Variants in NDP observed in about 807,000 individuals in gnomAD.
NDP encodes norrin cystine knot growth factor NDP.
A neutral mutation model predicts 8.4 loss-of-function variants in NDP; 2 were observed. The observed-to-expected ratio is 0.24, with a 90% CI of 0.10 to 0.75. The LOEUF is 0.75. Ranked by LOEUF, NDP falls within the 30% of genes least tolerant of loss-of-function variation. NDP has a pLI of 0.73. For synonymous variants in NDP, 55 were observed against 45.6 expected, an observed-to-expected ratio of 1.21 and a Z score of -0.83; for missense variants, 81 against 110.1, an observed-to-expected ratio of 0.74 and a Z score of 1.18.
chrX:43,954,053 T>A (rs1032073827), intron 2 of NDP, among the ~76,000 whole-genome samples: 7 of 112,346 alleles, frequency 6.2e-5, no homozygotes, highest in Non-Finnish European at 1.1e-4. Context: ...TAGAAGAGCA[T>A]TTTTGCGATT....
intron 2 of NDP, among the ~76,000 whole-genome samples, chrX:43,952,552 C>T (rs2035769001): frequency 8.9e-6 from 1 of 111,859 alleles, no homozygotes; most frequent in South Asian, 3.8e-4. Flanking sequence ...ACTGACTGGG[C>T]CATTAGCACT....
chrX:43,955,461 TGGA>T (rs1458380570), intron 2 of NDP, among the ~76,000 whole-genome samples: 2 of 112,135 alleles, frequency 1.8e-5, no homozygotes, highest in South Asian at 3.7e-4. Flanking sequence ...GAGCTGGAAT[TGGA>T]AACCAGGTCT....
intron 1 of NDP, among the ~76,000 whole-genome samples, chrX:43,965,389 A>G (rs2035851947): frequency 1.8e-5 from 2 of 111,392 alleles, no homozygotes; most frequent in South Asian, 7.8e-4. Context: ...ACTGCACTCC[A>G]GCCTGGGCAT....
chrX:43,965,875 C>T (rs1173807573), intron 1 of NDP, among the ~76,000 whole-genome samples: 2 of 111,545 alleles, frequency 1.8e-5, no homozygotes, highest in Non-Finnish European at 3.8e-5. Flanking sequence ...AGGTACATTC[C>T]AGAAGCCCTG....
At chrX:43,964,640 T>C (rs1424256551) in intron 1 of NDP, among the ~76,000 whole-genome samples, 1 of 111,641 alleles carries the variant, frequency 9.0e-6, no homozygotes, top group Admixed American at 9.5e-5. Flanking sequence ...GTGTTCCGTG[T>C]CCCTATACTG....
chrX:43,957,744 G>A (rs1297048928), intron 2 of NDP, among the ~76,000 whole-genome samples: 1 of 103,826 alleles, frequency 9.6e-6, no homozygotes, highest in Non-Finnish European at 2.0e-5. Flanking sequence ...ACCAAGTGTG[G>A]ACAAATTTCA....
At chrX:43,968,333 A>C (rs1032475091) in intron 1 of NDP, among the ~76,000 whole-genome samples, 2 of 112,321 alleles carry the variant, frequency 1.8e-5, no homozygotes, top group Non-Finnish European at 3.8e-5. Context: ...GACACAAGAA[A>C]AAAGCTTTGC....
intron 1 of NDP, among the ~76,000 whole-genome samples, chrX:43,963,346 G>T (rs112579945): frequency 9.2e-6 from 1 of 109,183 alleles, no homozygotes; most frequent in Non-Finnish European, 1.9e-5. Flanking sequence ...TTCCTGGATG[G>T]TTTTTAGACA....
chrX:43,961,448 C>T (rs910944581), intron 1 of NDP, among the ~76,000 whole-genome samples: 2 of 111,837 alleles, frequency 1.8e-5, no homozygotes, highest in African/African-American at 6.5e-5. Context: ...TACTAACCAA[C>T]TATATATGGA....
intron 2 of NDP, 171 bp from the exon 3 acceptor site, chrX:43,950,197 C>A: frequency 2.1e-6 from 1 of 469,929 alleles, no homozygotes; most frequent in Non-Finnish European, 3.7e-6. Flanking sequence ...TCATTCAGAT[C>A]GATTGAATTA....
At position 43,949,565 on chromosome X, in the gene NDP, GAAA is replaced by G. The variant is rs1240157207; in HGVS notation, c.*231_*233del. The stretch of plus-strand genomic sequence containing the variant: ...GCCAAGGGGGAAAATGCCTGAATCT[GAAA>G]ATGAACCAAAAGAAATTGTACCAGA... On this transcript the variant is annotated 3_prime_UTR_variant, in exon 3 of 3. Coordinates refer to ENST00000642620, the MANE Select transcript of NDP (RefSeq NM_000266.4). The G allele has an allele frequency of 2.4e-6, 1 of 420,486 alleles. No homozygotes were observed. Among genetic ancestry groups the G allele is most frequent in the Non-Finnish European group, 4.2e-6 (1 of 240,868 alleles). The allele number at this position is 420,486 out of a possible 1,213,427, so 34.7% of individuals were successfully genotyped here.
rs1173977346 is a variant in NDP, at chrX:43,958,692, G to A, written c.-47C>T. On this transcript the variant is annotated 5_prime_UTR_variant, in exon 2 of 3. Transcript: ENST00000642620. ...TAGAAGAACAGCAGAGGGAGGCAGA[G>A]GACAAAAAATTGGAAATGGCTTCAC... is the stretch of plus-strand genomic sequence containing the variant. 1.7e-6 allele frequency: 2 copies of A among 1,144,628 alleles called. No individual in the cohort carries two copies. The highest frequency in any genetic ancestry group is 2.4e-6 in the Non-Finnish European group (2 of 836,650). 94.3% of individuals were successfully genotyped at this position (1,144,628 alleles called of 1,213,427 possible). A position where few individuals can be genotyped will look rare whatever the true frequency, so the allele number is the denominator to read the frequency against.
chrX:43,963,315 G>A (rs2035837308), intron 1 of NDP, among the ~76,000 whole-genome samples: 1 of 97,828 alleles, frequency 1.0e-5, no homozygotes, highest in African/African-American at 3.7e-5. Context: ...GACTCTGCAG[G>A]CAGAGTCTTG....
chrX:43,965,000 T>G (rs1230546599), intron 1 of NDP, among the ~76,000 whole-genome samples: 1 of 112,492 alleles, frequency 8.9e-6, no homozygotes, highest in African/African-American at 3.2e-5. Flanking sequence ...GCCCAAGCTA[T>G]AAGTATTTGC....
chrX:43,969,971 T>A (rs1408369257), intron 1 of NDP, among the ~76,000 whole-genome samples: 1 of 112,015 alleles, frequency 8.9e-6, no homozygotes, highest in Non-Finnish European at 1.9e-5. Flanking sequence ...CCAGTCTAGC[T>A]GGATTCTTTT....
At chrX:43,964,463 T>A (rs1224660667) in intron 1 of NDP, among the ~76,000 whole-genome samples, 1 of 111,237 alleles carries the variant, frequency 9.0e-6, no homozygotes, top group African/African-American at 3.3e-5. Context: ...GAGGAGGGAC[T>A]GGAGTGGGAG....
chrX:43,952,306 T>A (rs1430896766), intron 2 of NDP, among the ~76,000 whole-genome samples: 1 of 111,907 alleles, frequency 8.9e-6, no homozygotes, highest in Non-Finnish European at 1.9e-5. Flanking sequence ...AAGAGCTGCT[T>A]GATACCTCAC....
chrX:43,959,197 C>G (rs964208710), intron 1 of NDP, among the ~76,000 whole-genome samples: 8 of 111,726 alleles, frequency 7.2e-5, no homozygotes, highest in African/African-American at 2.6e-4. Context: ...TCATCTTTGT[C>G]CTTGGTTGGT....
chrX:43,954,835 C>G (rs1442149046), intron 2 of NDP, among the ~76,000 whole-genome samples: 1 of 111,048 alleles, frequency 9.0e-6, no homozygotes, highest in Non-Finnish European at 1.9e-5. Context: ...GTGGCCCTTA[C>G]CGGTTCAGAT....
Sources: allele counts gnomAD v4.1 joint callset (sites outside exome capture counted in the v4.1 genomes callset), GRCh38; gene constraint gnomAD v4.1.1; transcripts MANE v1.5; gene names NCBI Gene and HGNC (gene_info 2026-07-23, HGNC 2026-07-21).